The following PFDN2 variants were observed in gnomAD, a reference collection of about 807,000 sequenced individuals.
The protein encoded by PFDN2 is prefoldin 2.
PFDN2 carries 7 observed loss-of-function variants against 18.3 expected under a neutral mutation model. The observed-to-expected ratio is 0.38, with a 90% CI of 0.22 to 0.72. PFDN2 has a LOEUF of 0.72. PFDN2 is among the 30% of genes least tolerant of loss of function. The pLI, the probability that PFDN2 is intolerant of heterozygous loss-of-function variation, is 0.47. For synonymous variants in PFDN2, 76 were observed against 75.0 expected (o/e 1.01, Z -0.07); for missense variants, 181 against 199.1 (o/e 0.91, Z 0.55).
intron 1 of PFDN2, among the ~76,000 whole-genome samples, chr1:161,109,628 C>T (rs1020817699): frequency 6.6e-6 from 1 of 152,150 alleles, no homozygotes; most frequent in Non-Finnish European, 1.5e-5. Context: ...ACAAAAAAGA[C>T]GGTAAGACCT....
chr1:161,108,571 A>C (rs934672945), intron 1 of PFDN2, among the ~76,000 whole-genome samples: 5 of 152,016 alleles, frequency 3.3e-5, no homozygotes, highest in Non-Finnish European at 7.4e-5. Flanking sequence ...TCTCAAAAAA[A>C]AAAACAAAAA....
intron 1 of PFDN2, among the ~76,000 whole-genome samples, chr1:161,103,867 A>G (rs1654629259): frequency 6.6e-6 from 1 of 152,096 alleles, no homozygotes; most frequent in Non-Finnish European, 1.5e-5. Flanking sequence ...CTCAGAGACA[A>G]AAGACCAGGT....
chr1:161,101,435 G>A (rs994361876), intron 3 of PFDN2, among the ~76,000 whole-genome samples: 5 of 152,126 alleles, frequency 3.3e-5, no homozygotes, highest in South Asian at 2.1e-4. Context: ...TCCTGACCTC[G>A]TGATCCGCCC....
At chr1:161,104,620 G>T (rs1488573971) in intron 1 of PFDN2, among the ~76,000 whole-genome samples, 1 of 151,664 alleles carries the variant, frequency 6.6e-6, no homozygotes. Context: ...GTAGAGACAG[G>T]ATCTTACTAT....
At chr1:161,107,801 G>A (rs1252382705) in intron 1 of PFDN2, among the ~76,000 whole-genome samples, 1 of 151,602 alleles carries the variant, frequency 6.6e-6, no homozygotes, top group Non-Finnish European at 1.5e-5. Flanking sequence ...GGGATACAGA[G>A]TGAGATTCTG....
rs534995991 is a variant in PFDN2 at position 161,108,618 on chromosome 1, C to T, written c.76-6243G>A. On this transcript the variant is annotated intron_variant, in intron 1 of 3. Coordinates refer to ENST00000368010, the MANE Select transcript of PFDN2 (RefSeq NM_012394.4). ...CTCTGGACAAATAATGCACGATTTA[C>T]AGCCACTTTTCTTGAATTTCTTGAA... Among the ~76,000 whole-genome samples, 16 of 151,872 alleles carry T rather than the reference C, an allele frequency of 1.1e-4. No individual in the cohort carries two copies. In the South Asian group the frequency reaches 3.1e-3, roughly 30 times the overall value.
At chr1:161,106,648 G>T (rs1431497302) in intron 1 of PFDN2, among the ~76,000 whole-genome samples, 1 of 152,030 alleles carries the variant, frequency 6.6e-6, no homozygotes, top group Non-Finnish European at 1.5e-5. Flanking sequence ...TTTAGACAGG[G>T]TCTTACTTGA....
At chr1:161,109,984 G>A (rs997986312) in intron 1 of PFDN2, among the ~76,000 whole-genome samples, 7 of 152,022 alleles carry the variant, frequency 4.6e-5, no homozygotes, top group Non-Finnish European at 7.4e-5. Context: ...AACCTGGGAG[G>A]CGGAAGTTGC....
At chr1:161,107,948 T>C (rs748291119) in intron 1 of PFDN2, among the ~76,000 whole-genome samples, 8 of 149,322 alleles carry the variant, frequency 5.4e-5, no homozygotes, top group African/African-American at 7.4e-5. Context: ...ACCCCATCTC[T>C]ACTAAAAATA....
intron 1 of PFDN2, among the ~76,000 whole-genome samples, chr1:161,115,212 C>T (rs923647071): frequency 6.6e-6 from 1 of 152,092 alleles, no homozygotes; most frequent in Non-Finnish European, 1.5e-5. Flanking sequence ...TACAGGTGCC[C>T]GCCACCACAC....
chr1:161,105,727 G>C (rs990735086), intron 1 of PFDN2, among the ~76,000 whole-genome samples: 7 of 152,146 alleles, frequency 4.6e-5, no homozygotes, highest in African/African-American at 1.7e-4. Context: ...CCAAAGTGCT[G>C]GGATTACAGG....
In PFDN2 at chr1:161,100,682, C is replaced by T. The variant is rs765435069; in HGVS notation, c.*1G>A. On this transcript the variant is annotated 3_prime_UTR_variant, in exon 4 of 4. Transcript: ENST00000368010. ...AGAAAAAAATGCAAAGGCCTTGGTC[C>T]CTAGGAGACCAACACTCCAGCTGAG... The T allele has an allele frequency of 5.6e-5, 90 of 1,606,216 alleles. No homozygotes were observed. The highest frequency in any genetic ancestry group is 7.1e-5 in the Non-Finnish European group (83 of 1,175,394).
intron 3 of PFDN2, among the ~76,000 whole-genome samples, chr1:161,101,479 G>A (rs964411748): frequency 6.6e-6 from 1 of 152,194 alleles, no homozygotes; most frequent in Non-Finnish European, 1.5e-5. Flanking sequence ...GATTACAGGT[G>A]TGAGTCACTG....
At chr1:161,115,833 C>G (rs1204127881) in intron 1 of PFDN2, among the ~76,000 whole-genome samples, 1 of 152,172 alleles carries the variant, frequency 6.6e-6, no homozygotes, top group East Asian at 1.9e-4. Context: ...CAGGCATCTA[C>G]TGGGGTCTTG....
Position 161,100,774 on chromosome 1 carries a change from C to T in PFDN2, c.374G>A (p.Arg125His), listed in dbSNP as rs780121999. 1.1e-5 allele frequency: 18 copies of T among 1,613,692 alleles called. No individual in the cohort carries two copies. The highest frequency in any genetic ancestry group is 2.2e-5 in the South Asian group (2 of 91,086). The change falls in exon 4 of 4, where the codon CGT (arginine) becomes CAT (histidine). Residue 125 changes from arginine to histidine, a missense_variant. Arg to His is a conservative substitution (Grantham distance 29). Coordinates refer to ENST00000368010, the MANE Select transcript of PFDN2 (RefSeq NM_012394.4). Reference sequence around the variant, plus strand: ...TGGCTTCTCATCTTCTCCCATGAGACGAATGTTGTGCTTTTCCCGGAATTC... The same window carrying T: ...TGGCTTCTCATCTTCTCCCATGAGATGAATGTTGTGCTTTTCCCGGAATTC... ...LNEFREKHNIRLMGEDEKPAA... is the reference protein window; with the variant it reads ...LNEFREKHNIHLMGEDEKPAA...
chr1:161,107,604 CAGG>C lies in PFDN2; in HGVS notation c.76-5232_76-5230del, dbSNP rs1253392560. The stretch of plus-strand genomic sequence containing the variant: ...CCAAGGCGGGCAGATTACTTGAGGT[CAGG>C]AGTTCACGACCAGCCTGGCCAACAT... On this transcript the variant is annotated intron_variant, in intron 1 of 3. Transcript: ENST00000368010. Among the ~76,000 whole-genome samples the C allele has an allele frequency of 2.0e-5, 3 of 152,012 alleles. No homozygotes were observed. In the East Asian group the frequency reaches 5.8e-4, roughly 30 times the overall value.
chr1:161,102,198 T>C, intron 2 of PFDN2, 27 bp from the exon 3 acceptor site: 4 of 1,614,024 alleles, frequency 2.5e-6, no homozygotes, highest in Non-Finnish European at 2.5e-6. Flanking sequence ...AGGCAGGACC[T>C]GAGGATTCAG....
Position 161,106,503 on chromosome 1 carries a change from C to T in PFDN2, c.76-4128G>A, listed in dbSNP as rs78487605. Among the ~76,000 whole-genome samples the T allele has an allele frequency of 3.9e-5, 6 of 152,318 alleles. No individual in the cohort carries two copies. In the East Asian group the frequency reaches 1.2e-3, roughly 29 times the overall value. The stretch of plus-strand genomic sequence containing the variant: ...TTTCTAATAGTCTTCTCCCCTATGG[C>T]TAGGACCTAATTATCCTTCCCTTTC... On this transcript the variant is annotated intron_variant, in intron 1 of 3. Transcript: ENST00000368010.
intron 1 of PFDN2, among the ~76,000 whole-genome samples, chr1:161,102,935 C>T (rs565830441): frequency 6.2e-5 from 9 of 146,054 alleles, no homozygotes; most frequent in Admixed American, 3.5e-4. Flanking sequence ...TCCAGCCTGG[C>T]GACAGAGCGA....
Sources: allele counts gnomAD v4.1 joint callset (sites outside exome capture counted in the v4.1 genomes callset), GRCh38; gene constraint gnomAD v4.1.1; transcripts MANE v1.5; gene names NCBI Gene and HGNC (gene_info 2026-07-23, HGNC 2026-07-21).